The following RRAS2 variants were observed in gnomAD, a reference collection of about 807,000 sequenced individuals.
The protein encoded by RRAS2 is ras-related protein R-Ras2.
RRAS2 carries 7 observed loss-of-function variants against 27.6 expected under a neutral mutation model. That is an observed-to-expected ratio of 0.25 (90% CI 0.14 to 0.48). The LOEUF (loss-of-function observed/expected upper bound fraction) is 0.48. Ranked by LOEUF, RRAS2 falls within the 20% of genes least tolerant of loss-of-function variation. The probability of loss-of-function intolerance (pLI) is 0.99; values close to 1 mark genes in which losing one functional copy is unlikely to be tolerated. For missense variants in RRAS2, 178 were observed against 256.2 expected (o/e 0.69, Z 2.08); for synonymous variants, 86 against 90.9 (o/e 0.95, Z 0.31).
intron 4 of RRAS2, among the ~76,000 whole-genome samples, chr11:14,284,672 TATTAGATCACGA>T (rs1341637524): frequency 6.6e-6 from 1 of 152,214 alleles, no homozygotes; most frequent in African/African-American, 2.4e-5. Context: ...TTTTTGAAGC[TATTAGATCACGA>T]ATGTTTGGGA....
At chr11:14,345,960 A>G (rs1848820783) in intron 1 of RRAS2, among the ~76,000 whole-genome samples, 1 of 152,252 alleles carries the variant, frequency 6.6e-6, no homozygotes, top group Admixed American at 6.5e-5. Context: ...AAACAAATAT[A>G]TTCTTCCACA....
intron 1 of RRAS2, among the ~76,000 whole-genome samples, chr11:14,343,829 G>C (rs1848772191): frequency 6.6e-6 from 1 of 151,668 alleles, no homozygotes; most frequent in African/African-American, 2.4e-5. Context: ...GTGAGACCCT[G>C]TCTCAAAAAT....
chr11:14,359,464 G>A (rs1849159647), upstream of RRAS2, among the ~76,000 whole-genome samples: 1 of 152,222 alleles, frequency 6.6e-6, no homozygotes, highest in South Asian at 2.1e-4. Flanking sequence ...GAAAAATAGG[G>A]CTGTTGGCAT....
Position 14,307,335 on chromosome 11 carries a change from A to C in RRAS2, c.109-11480T>G, listed in dbSNP as rs373567610. 3.7e-4 allele frequency among the ~76,000 whole-genome samples: 57 copies of C among 152,272 alleles called. 1 individual carries two copies. The highest frequency in any genetic ancestry group is 1.3e-3 in the African/African-American group (55 of 41,566). ...AAGCATCTCAATTTCAGATATACTA[A>C]AATGTACGGGGGGAAATGTGATGAA... On this transcript the variant is annotated intron_variant, in intron 1 of 5. Coordinates refer to ENST00000256196, the MANE Select transcript of RRAS2 (RefSeq NM_012250.6).
At chr11:14,303,726 G>C (rs1350483253) in intron 1 of RRAS2, among the ~76,000 whole-genome samples, 1 of 152,164 alleles carries the variant, frequency 6.6e-6, no homozygotes, top group Non-Finnish European at 1.5e-5. Flanking sequence ...TGGGGGATGT[G>C]AGGGGTCCTG....
chr11:14,349,295 G>T (rs1264756854), intron 1 of RRAS2, among the ~76,000 whole-genome samples: 2 of 151,268 alleles, frequency 1.3e-5, no homozygotes, highest in Non-Finnish European at 2.9e-5. Context: ...AGGACTATAG[G>T]CACCCGCCAC....
At chr11:14,352,752 TATATAGAG>T (rs1328510974) in intron 1 of RRAS2, among the ~76,000 whole-genome samples, 8 of 127,110 alleles carry the variant, frequency 6.3e-5, no homozygotes, top group African/African-American at 1.8e-4. Flanking sequence ...AAAATATATA[TATATAGAG>T]AGAGAGAGAG....
chr11:14,307,575 A>C (rs1235121868), intron 1 of RRAS2, among the ~76,000 whole-genome samples: 7 of 152,126 alleles, frequency 4.6e-5, no homozygotes, highest in African/African-American at 1.7e-4. Flanking sequence ...TCAGCAGTTA[A>C]ATAACCTGCC....
At chr11:14,350,115 G>GT (rs1848919051) in intron 1 of RRAS2, among the ~76,000 whole-genome samples, 2 of 152,064 alleles carry the variant, frequency 1.3e-5, no homozygotes, top group South Asian at 4.1e-4. Flanking sequence ...AAATACATAC[G>GT]TATTTTCTTA....
intron 1 of RRAS2, among the ~76,000 whole-genome samples, chr11:14,351,556 G>A (rs564400200): frequency 2.6e-5 from 4 of 152,112 alleles, no homozygotes; most frequent in South Asian, 2.1e-4. Context: ...GTGAAACTCC[G>A]TCTCTACTAA....
At chr11:14,311,904 G>A (rs1275750642) in intron 1 of RRAS2, among the ~76,000 whole-genome samples, 1 of 150,928 alleles carries the variant, frequency 6.6e-6, no homozygotes, top group Non-Finnish European at 1.5e-5. Flanking sequence ...TCACTCTGTT[G>A]CCCAGGCTGG....
chr11:14,359,906 C>T (rs1849165689), upstream of RRAS2, among the ~76,000 whole-genome samples: 1 of 152,130 alleles, frequency 6.6e-6, no homozygotes, highest in African/African-American at 2.4e-5. Flanking sequence ...TAAATGAGCA[C>T]ATAAAACAGT....
intron 5 of RRAS2, among the ~76,000 whole-genome samples, chr11:14,279,899 G>A (rs964528114): frequency 1.3e-5 from 2 of 152,244 alleles, no homozygotes; most frequent in East Asian, 1.9e-4. Flanking sequence ...GCTGTTGTGA[G>A]GATTAAAGAT....
At position 14,358,380 on chromosome 11, in the gene RRAS2, G is replaced by A. The variant is rs1464333407; in HGVS notation, c.108+383C>T. On this transcript the variant is annotated intron_variant, in intron 1 of 5. Coordinates refer to ENST00000256196, the MANE Select transcript of RRAS2 (RefSeq NM_012250.6). The surrounding 1 kb of genome is among the most constrained non-coding windows in gnomAD (Gnocchi z 5.1). ...GCGGCCGCAGGCGGCTGGAAAAGCA[G>A]CGCGCGGGGCTCCAGCTCCAGCCCC... 6 of 985,486 alleles carry A rather than the reference G, an allele frequency of 6.1e-6. No individual in the cohort carries two copies. In the East Asian group the frequency reaches 4.6e-4, roughly 75 times the overall value. 61.0% of individuals were successfully genotyped at this position (985,486 alleles called of 1,614,324 possible).
At chr11:14,340,338 T>A (rs1848677436) in intron 1 of RRAS2, among the ~76,000 whole-genome samples, 1 of 151,780 alleles carries the variant, frequency 6.6e-6, no homozygotes, top group African/African-American at 2.4e-5. Context: ...TGACCTCAAG[T>A]GATCCAGCTG....
chr11:14,338,386 T>C (rs1218720152), intron 1 of RRAS2, among the ~76,000 whole-genome samples: 1 of 152,216 alleles, frequency 6.6e-6, no homozygotes, highest in South Asian at 2.1e-4. Context: ...TTTTGGAATA[T>C]CTGCATATAC....
At chr11:14,342,362 A>T (rs1031606352) in intron 1 of RRAS2, among the ~76,000 whole-genome samples, 2 of 152,224 alleles carry the variant, frequency 1.3e-5, no homozygotes, top group African/African-American at 4.8e-5. Flanking sequence ...CTTCTTCCCA[A>T]GCCTGCATTT....
At chr11:14,357,617 T>C (rs1260914387) in intron 1 of RRAS2, among the ~76,000 whole-genome samples, 13 of 152,212 alleles carry the variant, frequency 8.5e-5, no homozygotes, top group Admixed American at 7.2e-4. Context: ...AAGGTGACAA[T>C]CACATTTGTT....
chr11:14,340,223 A>G (rs998353745), intron 1 of RRAS2, among the ~76,000 whole-genome samples: 1 of 151,580 alleles, frequency 6.6e-6, no homozygotes, highest in Admixed American at 6.6e-5. Flanking sequence ...CAGCCTCCCA[A>G]GTAGCTGGGA....
Sources: allele counts gnomAD v4.1 joint callset (sites outside exome capture counted in the v4.1 genomes callset), GRCh38; gene constraint gnomAD v4.1.1; non-coding constraint Gnocchi (gnomAD v3.1); transcripts MANE v1.5; gene names NCBI Gene and HGNC (gene_info 2026-07-23, HGNC 2026-07-21).